Variants in ZFYVE28 observed in about 807,000 individuals in gnomAD.
ZFYVE28 encodes zinc finger FYVE-type containing 28, also known as lateral signaling target protein 2 homolog.
A neutral mutation model predicts 82.1 loss-of-function variants in ZFYVE28; 40 were observed. The observed-to-expected ratio is 0.49, with a 90% CI of 0.38 to 0.63. The LOEUF (loss-of-function observed/expected upper bound fraction) is 0.63. ZFYVE28 is among the 30% of genes least tolerant of loss of function. ZFYVE28 has a pLI of 0.00. For missense variants in ZFYVE28, 1,321 were observed against 1,242.1 expected, an observed-to-expected ratio of 1.06 and a Z score of -0.96; for synonymous variants, 612 against 546.1, an observed-to-expected ratio of 1.12 and a Z score of -1.68.
At position 2,339,034 on chromosome 4, in the gene ZFYVE28, G is replaced by C. The variant is rs998990343; in HGVS notation, c.521+419C>G. ...TCACCGTGTTAGCCAGGATGGTCTC[G>C]ATCTTCTGACCTCATGATCCGCCTG... On this transcript the variant is annotated intron_variant, in intron 4 of 12. Transcript: ENST00000290974. This position sits in a 1 kb window ranked among gnomAD's most constrained non-coding sequence, Gnocchi z 5.0. 6.6e-6 allele frequency among the ~76,000 whole-genome samples: 1 copy of C among 152,080 alleles called. No homozygotes were observed.
intron 6 of ZFYVE28, among the ~76,000 whole-genome samples, chr4:2,327,641 A>G (rs917997236): frequency 4.6e-5 from 7 of 152,118 alleles, no homozygotes; most frequent in African/African-American, 1.7e-4. Flanking sequence ...TGAGTTTTTC[A>G]TCATAAAATG....
chr4:2,391,128 C>T (rs558064754), intron 1 of ZFYVE28, among the ~76,000 whole-genome samples: 2 of 152,344 alleles, frequency 1.3e-5, no homozygotes, highest in African/African-American at 2.4e-5. Context: ...GGGCCGTGCC[C>T]GCCGCAGCCC....
At chr4:2,308,096 T>C (rs1387176058) in intron 7 of ZFYVE28, among the ~76,000 whole-genome samples, 2 of 152,184 alleles carry the variant, frequency 1.3e-5, no homozygotes, top group African/African-American at 4.8e-5. Context: ...AGCTTTACAA[T>C]AGAAGATGTC....
chr4:2,273,386 C>T, intron 9 of ZFYVE28, 97 bp from the exon 10 acceptor site: 1 of 997,264 alleles, frequency 1.0e-6, no homozygotes, highest in South Asian at 1.5e-5. Flanking sequence ...CCAGAGCTCA[C>T]AGCCCAGGCC....
At chr4:2,360,124 C>T (rs879747600) in intron 1 of ZFYVE28, among the ~76,000 whole-genome samples, 10 of 152,084 alleles carry the variant, frequency 6.6e-5, no homozygotes, top group Admixed American at 1.3e-4. Context: ...ATTGCCTGCG[C>T]GTGGGAAAGG....
intron 1 of ZFYVE28, among the ~76,000 whole-genome samples, chr4:2,402,156 C>T (rs999100540): frequency 2.6e-5 from 4 of 152,158 alleles, no homozygotes; most frequent in Admixed American, 2.6e-4. Flanking sequence ...GAGCATGGAG[C>T]TCTGCTGCCA....
At chr4:2,398,994 G>GAGGGCACAAGGAGGGGCGAGATCT (rs1189735473) in intron 1 of ZFYVE28, among the ~76,000 whole-genome samples, 8 of 128,552 alleles carry the variant, frequency 6.2e-5, no homozygotes, top group African/African-American at 2.2e-4. Flanking sequence ...TGGCGAGATT[G>GAGGGCACAAGGAGGGGCGAGATCT]AGGGCACAAG....
intron 8 of ZFYVE28, among the ~76,000 whole-genome samples, chr4:2,303,295 A>C (rs1386636668): frequency 6.6e-6 from 1 of 152,128 alleles, no homozygotes; most frequent in Non-Finnish European, 1.5e-5. Context: ...CCCGCCACCA[A>C]GAACCCCCTT....
intron 1 of ZFYVE28, among the ~76,000 whole-genome samples, chr4:2,391,738 C>CT (rs374413016): frequency 0.34 from 47,821 of 139,488 alleles, 9,259 homozygotes; most frequent in East Asian, 0.49. Context: ...AATTCTCTCT[C>CT]TCTTTTTTTT....
At chr4:2,356,350 A>G (rs1725314220) in intron 1 of ZFYVE28, among the ~76,000 whole-genome samples, 2 of 152,178 alleles carry the variant, frequency 1.3e-5, no homozygotes, top group Admixed American at 6.5e-5. Flanking sequence ...CCACTCTGCT[A>G]GGAGCCGATC....
intron 1 of ZFYVE28, among the ~76,000 whole-genome samples, chr4:2,363,654 T>C (rs1426485232): frequency 1.3e-5 from 2 of 152,206 alleles, no homozygotes; most frequent in Non-Finnish European, 2.9e-5. Context: ...GTAACTTGTA[T>C]GTGAGCATGT....
chr4:2,376,369 TCTAAAA>T (rs1728137348), intron 1 of ZFYVE28, among the ~76,000 whole-genome samples: 2 of 47,664 alleles, frequency 4.2e-5, no homozygotes, highest in Non-Finnish European at 3.8e-5. Context: ...AGACCCTATC[TCTAAAA>T]AAAAAAAAAA....
At chr4:2,319,969 G>A (rs1255929953) in intron 7 of ZFYVE28, among the ~76,000 whole-genome samples, 14 of 152,144 alleles carry the variant, frequency 9.2e-5, no homozygotes, top group Admixed American at 4.6e-4. Context: ...CACCCCATGC[G>A]ATGCCCAGGC....
intron 7 of ZFYVE28, among the ~76,000 whole-genome samples, chr4:2,313,966 T>C (rs956401664): frequency 6.6e-6 from 1 of 152,224 alleles, no homozygotes; most frequent in African/African-American, 2.4e-5. Context: ...CTCAAGGGTT[T>C]TCCTGTTAGT....
chr4:2,347,145 T>C (rs1364999408), intron 2 of ZFYVE28, among the ~76,000 whole-genome samples: 1 of 152,160 alleles, frequency 6.6e-6, no homozygotes, highest in Admixed American at 6.5e-5. Flanking sequence ...ACATGAATAC[T>C]GAAGTAGGTT....
intron 1 of ZFYVE28, among the ~76,000 whole-genome samples, chr4:2,402,342 C>T (rs1731282208): frequency 6.6e-6 from 1 of 152,218 alleles, no homozygotes; most frequent in South Asian, 2.1e-4. Flanking sequence ...CCGCCCCCGC[C>T]ATCAGACACC....
chr4:2,339,455 G>A lies in ZFYVE28; in HGVS notation c.519C>T (p.Leu173=), dbSNP rs1296585771. ...HFDVLFAEFE[L]SYVSAMVPVK... ...CTGTGGACCCACAGCTGCAGTACCT[G>A]AGCTCAAACTCTGCGAACAGGACGT... is the stretch of plus-strand genomic sequence containing the variant. Residue 173 remains leucine, a splice_region_variant and synonymous_variant, in exon 4 of 13, where the codon CTC becomes CTT. Transcript: ENST00000290974. This position sits in a 1 kb window ranked among gnomAD's most constrained non-coding sequence, Gnocchi z 5.0. 3 of 1,613,408 alleles carry A rather than the reference G, an allele frequency of 1.9e-6. No homozygotes were observed. Among genetic ancestry groups the A allele is most frequent in the Admixed American group, 1.7e-5 (1 of 59,914 alleles).
At chr4:2,367,300 C>T (rs1300035168) in intron 1 of ZFYVE28, among the ~76,000 whole-genome samples, 2 of 152,210 alleles carry the variant, frequency 1.3e-5, no homozygotes, top group African/African-American at 4.8e-5. Context: ...AAATAGCAAA[C>T]TTGCTAGGAA....
intron 8 of ZFYVE28, among the ~76,000 whole-genome samples, chr4:2,288,074 A>C (rs1713033815): frequency 2.0e-5 from 3 of 152,122 alleles, no homozygotes; most frequent in Non-Finnish European, 4.4e-5. Flanking sequence ...GGAAGGCAGA[A>C]GCAACTGGCC....
Sources: allele counts gnomAD v4.1 joint callset (sites outside exome capture counted in the v4.1 genomes callset), GRCh38; gene constraint gnomAD v4.1.1; non-coding constraint Gnocchi (gnomAD v3.1); transcripts MANE v1.5; gene names NCBI Gene and HGNC (gene_info 2026-07-23, HGNC 2026-07-21).